NFAT5: variants seen among roughly 807,000 people sequenced by gnomAD.
NFAT5 encodes the protein nuclear factor of activated T cells 5.
A neutral mutation model predicts 166.5 loss-of-function variants in NFAT5; 31 were observed. That is an observed-to-expected ratio of 0.19 (90% CI 0.14 to 0.25). The LOEUF is 0.25. Among genes scored for constraint, NFAT5 ranks in the 10% least tolerant of loss-of-function variants. The pLI, the probability that NFAT5 is intolerant of heterozygous loss-of-function variation, is 1.00. For missense variants in NFAT5, 1,449 were observed against 1,821.8 expected, an observed-to-expected ratio of 0.80 and a Z score of 3.72; for synonymous variants, 612 against 639.7, an observed-to-expected ratio of 0.96 and a Z score of 0.65.
chr16:69,646,418 TTGA>T (rs1366380811), intron 3 of NFAT5: 1 of 422,464 alleles, frequency 2.4e-6, no homozygotes, highest in Non-Finnish European at 3.8e-6. Flanking sequence ...TCCAATTCAG[TTGA>T]TTATATATTT....
intron 2 of NFAT5, among the ~76,000 whole-genome samples, chr16:69,590,797 G>A (rs1357873984): frequency 6.6e-6 from 1 of 152,162 alleles, no homozygotes; most frequent in Non-Finnish European, 1.5e-5. Context: ...CCCCATCTGG[G>A]GTAGAGTGTT....
At chr16:69,584,149 C>T (rs1279253591) in intron 2 of NFAT5, among the ~76,000 whole-genome samples, 1 of 152,000 alleles carries the variant, frequency 6.6e-6, no homozygotes, top group South Asian at 2.1e-4. Flanking sequence ...TCGTTTGAAC[C>T]CTGGAGGTGG....
Position 69,692,694 on chromosome 16 carries a change from A to G in NFAT5, c.2869A>G (p.Met957Val). Residue 957 changes from methionine to valine, a missense_variant, in exon 13 of 15, where the codon ATG becomes GTG. Coordinates refer to ENST00000349945, the MANE Select transcript of NFAT5 (RefSeq NM_138713.4). ...SPVYQQTSHM[M>V]SALSTNEDMQ... ...AGTTTACCAGCAGACTTCTCACATG[A>G]TGAGTGCATTGTCTACCAATGAGGA... 1.2e-6 allele frequency: 2 copies of G among 1,614,208 alleles called. No homozygotes were observed. The highest frequency in any genetic ancestry group is 1.7e-6 in the Non-Finnish European group (2 of 1,180,040).
intron 5 of NFAT5, 106 bp downstream of exon 5, chr16:69,653,534 A>T (rs1032326316): frequency 2.9e-6 from 2 of 679,802 alleles, no homozygotes; most frequent in Non-Finnish European, 2.2e-6. Context: ...CTTCCCTCAT[A>T]TTTGATATTT....
rs191419159 is a variant in NFAT5, at chr16:69,694,296, C to T, written c.4414+57C>T. ...GGTCATTATTATTATTAGAAGGAAGCAGAGTGCAGTGGTGCGATCTCAGCT... is the reference window on the plus strand; with the variant it reads ...GGTCATTATTATTATTAGAAGGAAGTAGAGTGCAGTGGTGCGATCTCAGCT... On this transcript the variant is annotated intron_variant, in intron 13 of 14. Coordinates refer to ENST00000349945, the MANE Select transcript of NFAT5 (RefSeq NM_138713.4). The T allele has an allele frequency of 2.1e-4, 283 of 1,368,268 alleles. No homozygotes were observed. The East Asian group carries it at 2.9e-3, about 14-fold the overall frequency. 84.8% of individuals were successfully genotyped at this position (1,368,268 alleles called of 1,614,324 possible).
chr16:69,690,360 T>C (rs750292987), intron 11 of NFAT5, among the ~76,000 whole-genome samples: 71 of 152,194 alleles, frequency 4.7e-4, no homozygotes, highest in Non-Finnish European at 8.5e-4. Context: ...AAAAGAGAAT[T>C]GTGTCCATGT....
intron 2 of NFAT5, among the ~76,000 whole-genome samples, chr16:69,625,161 C>T (rs995384053): frequency 1.3e-5 from 2 of 152,032 alleles, no homozygotes; most frequent in South Asian, 2.1e-4. Flanking sequence ...TTCAGTCTCC[C>T]GGAGTGCTGG....
rs1327797618 is a variant in NFAT5 at position 69,566,576 on chromosome 16, C to G, written c.73+202C>G. 6.6e-6 allele frequency among the ~76,000 whole-genome samples: 1 copy of G among 152,054 alleles called. No individual in the cohort carries two copies. The highest frequency in any genetic ancestry group is 1.5e-5 in the Non-Finnish European group (1 of 67,958). On this transcript the variant is annotated intron_variant, in intron 1 of 14. Coordinates refer to ENST00000349945, the MANE Select transcript of NFAT5 (RefSeq NM_138713.4). This position sits in a 1 kb window ranked among gnomAD's most constrained non-coding sequence, Gnocchi z 5.7. ...GGGCGGAGCAGTGGCGGCCCCTCCC[C>G]CGCGGAGCCGCCGGCCGCTCGGGGC...
rs997233149 is a variant in NFAT5 at position 69,628,876 on chromosome 16, C to T, written c.253+2348C>T. ...TCACCTGAGGTCAGGAGTTCAAGAC[C>T]AGCCTGATCAACATGGTGAAACTGC... On this transcript the variant is annotated intron_variant, in intron 3 of 14. Coordinates refer to ENST00000349945, the MANE Select transcript of NFAT5 (RefSeq NM_138713.4). Among the ~76,000 whole-genome samples the T allele has an allele frequency of 3.3e-5, 5 of 152,142 alleles. No homozygotes were observed. In the East Asian group the frequency reaches 9.6e-4, roughly 29 times the overall value.
At chr16:69,607,573 T>C (rs72801332) in intron 2 of NFAT5, among the ~76,000 whole-genome samples, 8,968 of 152,292 alleles carry the variant, frequency 0.059, 291 homozygotes, top group Middle Eastern at 0.11. Flanking sequence ...TTCCATATTT[T>C]GTAATTGGCC....
chr16:69,623,838 AC>A (rs566460221), intron 2 of NFAT5, among the ~76,000 whole-genome samples: 207 of 134,958 alleles, frequency 1.5e-3, no homozygotes, highest in African/African-American at 6.0e-3. Context: ...TTTTGCCCAA[AC>A]AAAAAGGAAA....
chr16:69,621,890 G>T (rs774684583), intron 2 of NFAT5, among the ~76,000 whole-genome samples: 1 of 152,136 alleles, frequency 6.6e-6, no homozygotes, highest in South Asian at 2.1e-4. Context: ...TTGAGCTCAG[G>T]AGTTGGAGGC....
intron 11 of NFAT5, among the ~76,000 whole-genome samples, chr16:69,686,557 C>T (rs1371694785): frequency 2.0e-5 from 3 of 152,018 alleles, no homozygotes; most frequent in African/African-American, 7.2e-5. Context: ...GGTTTATATA[C>T]TTTTTTGATA....
chr16:69,633,688 A>C (rs1411065411), intron 3 of NFAT5, among the ~76,000 whole-genome samples: 7 of 152,192 alleles, frequency 4.6e-5, no homozygotes, highest in Non-Finnish European at 2.9e-5. Flanking sequence ...GAAGGGTAGG[A>C]GGAAGGAAGG....
chr16:69,625,901 C>A (rs1235143433), intron 2 of NFAT5, among the ~76,000 whole-genome samples: 2 of 149,966 alleles, frequency 1.3e-5, no homozygotes, highest in Non-Finnish European at 3.0e-5. Flanking sequence ...AGGGACAGAA[C>A]TAATGGGAAA....
chr16:69,655,335 C>T (rs1268879235), intron 5 of NFAT5, among the ~76,000 whole-genome samples: 20 of 152,072 alleles, frequency 1.3e-4, no homozygotes, highest in Admixed American at 1.3e-3. Flanking sequence ...TCATTCTCAT[C>T]TGCTTGTACA....
intron 2 of NFAT5, among the ~76,000 whole-genome samples, chr16:69,620,306 A>G (rs2034139516): frequency 6.6e-6 from 1 of 152,232 alleles, no homozygotes. Context: ...ACTTGCCCTA[A>G]TTCTACTACA....
At chr16:69,657,620 C>T (rs1410318218) in intron 6 of NFAT5, among the ~76,000 whole-genome samples, 1 of 148,694 alleles carries the variant, frequency 6.7e-6, no homozygotes, top group African/African-American at 2.5e-5. Flanking sequence ...ATTAGCCAGG[C>T]GTGGTGGTGG....
chr16:69,653,512 A>G (rs1244605146), intron 5 of NFAT5, 84 bp downstream of exon 5: 3 of 835,768 alleles, frequency 3.6e-6, no homozygotes, highest in Non-Finnish European at 5.2e-6. Context: ...ATATTTTCAA[A>G]TCATGAATTT....
Sources: allele counts gnomAD v4.1 joint callset (sites outside exome capture counted in the v4.1 genomes callset), GRCh38; gene constraint gnomAD v4.1.1; non-coding constraint Gnocchi (gnomAD v3.1); transcripts MANE v1.5; gene names NCBI Gene and HGNC (gene_info 2026-07-23, HGNC 2026-07-21).